The following SHISA9 variants were observed in gnomAD, a reference collection of about 807,000 sequenced individuals.
SHISA9 encodes shisa family member 9.
Under a neutral mutation model 38.0 loss-of-function variants are expected in SHISA9, and 13 were observed. The observed-to-expected ratio is 0.34, with a 90% CI of 0.22 to 0.54. The LOEUF is 0.54. Ranked by LOEUF, SHISA9 falls within the 20% of genes least tolerant of loss-of-function variation. SHISA9 has a pLI of 0.91. For synonymous variants in SHISA9, 275 were observed against 242.0 expected, an observed-to-expected ratio of 1.14 and a Z score of -1.27; for missense variants, 538 against 575.8, an observed-to-expected ratio of 0.93 and a Z score of 0.67.
intron 3 of SHISA9, among the ~76,000 whole-genome samples, chr16:13,206,655 A>T (rs577938959): frequency 6.6e-6 from 1 of 152,244 alleles, no homozygotes; most frequent in Non-Finnish European, 1.5e-5. Context: ...AGCCAAATTT[A>T]TAATACCAAG....
At chr16:13,247,328 C>A in the SHISA9 span, among the ~76,000 whole-genome samples, 2 of 152,282 alleles carry the variant, frequency 1.3e-5, no homozygotes, top group Non-Finnish European at 2.9e-5. Context: ...TATCAATCAT[C>A]TTAATTAAAC....
intron 2 of SHISA9, among the ~76,000 whole-genome samples, chr16:12,937,598 A>T (rs1197160923): frequency 6.6e-6 from 1 of 152,194 alleles, no homozygotes; most frequent in Non-Finnish European, 1.5e-5. Flanking sequence ...AGTTTTGGAG[A>T]GGGCTCCCTT....
the SHISA9 span, among the ~76,000 whole-genome samples, chr16:13,317,582 C>T: frequency 8.5e-5 from 13 of 152,188 alleles, no homozygotes; most frequent in African/African-American, 3.1e-4. Context: ...GCACAGCCAG[C>T]TCTGCCTACC....
the SHISA9 span, among the ~76,000 whole-genome samples, chr16:13,536,142 G>A: frequency 7.9e-5 from 12 of 152,058 alleles, no homozygotes; most frequent in African/African-American, 2.7e-4. Flanking sequence ...GGTACTACAG[G>A]CACGTGCCAC....
At chr16:13,333,398 T>C in the SHISA9 span, among the ~76,000 whole-genome samples, 10 of 152,156 alleles carry the variant, frequency 6.6e-5, no homozygotes, top group Non-Finnish European at 1.5e-4. Flanking sequence ...TGATTCAAGC[T>C]CGTCCTTGGG....
intron 2 of SHISA9, among the ~76,000 whole-genome samples, chr16:13,044,871 A>G (rs2073169367): frequency 6.6e-6 from 1 of 152,200 alleles, no homozygotes; most frequent in African/African-American, 2.4e-5. Context: ...AAAATCTCCC[A>G]TCATAAAAAG....
chr16:13,354,161 G>A, the SHISA9 span, among the ~76,000 whole-genome samples: 67 of 149,136 alleles, frequency 4.5e-4, no homozygotes, highest in South Asian at 9.9e-3. Flanking sequence ...AATCCCTGAG[G>A]AGTAGTAGAA....
At chr16:13,467,249 A>G in the SHISA9 span, among the ~76,000 whole-genome samples, 5 of 152,024 alleles carry the variant, frequency 3.3e-5, no homozygotes, top group African/African-American at 9.7e-5. Context: ...GTAGCATCCA[A>G]TCTCCTGGGG....
the SHISA9 span, among the ~76,000 whole-genome samples, chr16:13,309,388 A>G: frequency 6.6e-6 from 1 of 152,120 alleles, no homozygotes; most frequent in Non-Finnish European, 1.5e-5. Context: ...CACACCTGTA[A>G]TCCCACCACT....
the SHISA9 span, among the ~76,000 whole-genome samples, chr16:13,447,785 G>T: frequency 6.6e-6 from 1 of 152,156 alleles, no homozygotes; most frequent in Admixed American, 6.5e-5. Flanking sequence ...TATCCCACAT[G>T]TTGAAAGATC....
intron 2 of SHISA9, among the ~76,000 whole-genome samples, chr16:12,955,695 G>T (rs2071823059): frequency 6.6e-6 from 1 of 150,562 alleles, no homozygotes; most frequent in Admixed American, 6.6e-5. Flanking sequence ...GGGAGAATTG[G>T]CTAGCCATAT....
the SHISA9 span, among the ~76,000 whole-genome samples, chr16:13,510,121 C>G: frequency 6.6e-6 from 1 of 152,148 alleles, no homozygotes; most frequent in Non-Finnish European, 1.5e-5. Context: ...GGCTGGCCAA[C>G]ATGGTGAAAT....
At chr16:13,165,502 G>A (rs925711561) in intron 2 of SHISA9, among the ~76,000 whole-genome samples, 1 of 152,218 alleles carries the variant, frequency 6.6e-6, no homozygotes, top group Non-Finnish European at 1.5e-5. Context: ...TTAATAAATA[G>A]TAGTATAGGT....
Position 12,906,462 on chromosome 16 carries a change from G to A in SHISA9, c.563+3835G>A, listed in dbSNP as rs562449323. Among the ~76,000 whole-genome samples the A allele has an allele frequency of 2.0e-5, 3 of 152,178 alleles. No homozygotes were observed. The East Asian group carries it at 5.8e-4, about 29-fold the overall frequency. On this transcript the variant is annotated intron_variant, in intron 1 of 4. Transcript: ENST00000558583. ...AAAGACAGCAATTCCAGGAAGCGGT[G>A]GGGGGAGGCTCGCATGGGATCTCGT...
intron 4 of SHISA9, among the ~76,000 whole-genome samples, chr16:13,213,556 A>G (rs548074599): frequency 1.3e-5 from 2 of 152,132 alleles, no homozygotes; most frequent in African/African-American, 4.8e-5. Flanking sequence ...AAATATCACT[A>G]TGAGAAATCA....
At chr16:13,096,133 C>T (rs1284204766) in intron 2 of SHISA9, among the ~76,000 whole-genome samples, 1 of 152,194 alleles carries the variant, frequency 6.6e-6, no homozygotes, top group Non-Finnish European at 1.5e-5. Flanking sequence ...ATTTCTATGT[C>T]TATGAAGCGC....
chr16:13,383,367 G>A, the SHISA9 span, among the ~76,000 whole-genome samples: 1 of 152,202 alleles, frequency 6.6e-6, no homozygotes, highest in Non-Finnish European at 1.5e-5. Flanking sequence ...AAAAAAGAAT[G>A]AGGCAGATCT....
chr16:13,356,725 A>G, the SHISA9 span, among the ~76,000 whole-genome samples: 1 of 152,054 alleles, frequency 6.6e-6, no homozygotes, highest in Non-Finnish European at 1.5e-5. Flanking sequence ...GGAGGGTAAG[A>G]AGGAAGATTT....
the SHISA9 span, among the ~76,000 whole-genome samples, chr16:13,341,095 G>A: frequency 6.6e-6 from 1 of 152,148 alleles, no homozygotes; most frequent in East Asian, 1.9e-4. Flanking sequence ...CACTGGGAAG[G>A]ATCCATGTTT....
Sources: gnomAD v4.1 joint callset for allele counts (sites outside exome capture counted in the v4.1 genomes callset) on GRCh38, gnomAD v4.1.1 for gene constraint, MANE v1.5 for transcripts, NCBI Gene and HGNC (gene_info 2026-07-23, HGNC 2026-07-21) for gene names.